Variants in SPMIP11 observed in about 807,000 individuals in gnomAD.
The protein encoded by SPMIP11 is long intergenic non-protein coding RNA 935.
At chr12:48,758,344 T>C in the SPMIP11 span, among the ~76,000 whole-genome samples, 1 of 152,180 alleles carries the variant, frequency 6.6e-6, no homozygotes, top group Non-Finnish European at 1.5e-5. Flanking sequence ...TGGTGGACAC[T>C]ACTGGCCCCA....
At chr12:48,762,731 G>A in the SPMIP11 span, among the ~76,000 whole-genome samples, 7 of 152,100 alleles carry the variant, frequency 4.6e-5, no homozygotes, top group Non-Finnish European at 8.8e-5. Flanking sequence ...TTTCCAAAGC[G>A]GGGCAGTGGG....
chr12:48,732,976 A>G, the SPMIP11 span, among the ~76,000 whole-genome samples: 4 of 150,766 alleles, frequency 2.7e-5, no homozygotes, highest in Non-Finnish European at 4.4e-5. Context: ...GTGAGCCGAG[A>G]CCGTGCCATT....
chr12:48,733,392 A>T, the SPMIP11 span, among the ~76,000 whole-genome samples: 1 of 152,086 alleles, frequency 6.6e-6, no homozygotes, highest in African/African-American at 2.4e-5. Context: ...TGAACTTTAA[A>T]TTTTACTTTG....
the SPMIP11 span, among the ~76,000 whole-genome samples, chr12:48,748,116 C>T: frequency 6.6e-6 from 1 of 152,160 alleles, no homozygotes; most frequent in African/African-American, 2.4e-5. Context: ...TTCCTTGCTC[C>T]TTATTTCACT....
chr12:48,769,356 C>T, the SPMIP11 span, among the ~76,000 whole-genome samples: 1 of 137,312 alleles, frequency 7.3e-6, no homozygotes. Context: ...TTTGAGGCTA[C>T]AGTGAGCTGT....
At chr12:48,743,339 G>A in the SPMIP11 span, among the ~76,000 whole-genome samples, 1 of 152,072 alleles carries the variant, frequency 6.6e-6, no homozygotes. Flanking sequence ...TGGCACCACT[G>A]CACTCCATCC....
chr12:48,768,603 G>A, the SPMIP11 span: 8 of 1,614,070 alleles, frequency 5.0e-6, no homozygotes, highest in Non-Finnish European at 6.8e-6. Context: ...AACTGCTGGG[G>A]CCCCCATTGA....
chr12:48,741,598 T>C, the SPMIP11 span, among the ~76,000 whole-genome samples: 1 of 152,146 alleles, frequency 6.6e-6, no homozygotes, highest in Non-Finnish European at 1.5e-5. Flanking sequence ...CCATTCTTCT[T>C]TTGTAACCAA....
At chr12:48,759,957 C>T in the SPMIP11 span, among the ~76,000 whole-genome samples, 1 of 152,178 alleles carries the variant, frequency 6.6e-6, no homozygotes, top group East Asian at 1.9e-4. Context: ...CAGGTGCCTG[C>T]CACCATACCT....
At chr12:48,757,612 C>T in the SPMIP11 span, among the ~76,000 whole-genome samples, 372 of 150,450 alleles carry the variant, frequency 2.5e-3, 1 homozygote, top group Non-Finnish European at 4.2e-3. Context: ...CACCACTGCA[C>T]TGCAGCCTGG....
the SPMIP11 span, among the ~76,000 whole-genome samples, chr12:48,740,508 T>G: frequency 6.6e-6 from 1 of 151,570 alleles, no homozygotes; most frequent in Admixed American, 6.6e-5. Flanking sequence ...TTTTTTTTTT[T>G]TTCAGACAGG....
At chr12:48,763,568 T>A in the SPMIP11 span, among the ~76,000 whole-genome samples, 2 of 152,176 alleles carry the variant, frequency 1.3e-5, no homozygotes, top group South Asian at 4.1e-4. Context: ...TTTAAAAAAA[T>A]TATTATAAAC....
the SPMIP11 span, among the ~76,000 whole-genome samples, chr12:48,756,148 G>T: frequency 6.6e-6 from 1 of 152,114 alleles, no homozygotes; most frequent in Admixed American, 6.5e-5. Flanking sequence ...CTCCCAAAGT[G>T]CTGGGATTAC....
At chr12:48,768,465 A>G in the SPMIP11 span, 7 of 1,369,322 alleles carry the variant, frequency 5.1e-6, no homozygotes, top group Non-Finnish European at 7.2e-6. Context: ...GCCTGCTGGG[A>G]TGTTCCCTTT....
the SPMIP11 span, among the ~76,000 whole-genome samples, chr12:48,733,782 T>A: frequency 1.4e-5 from 2 of 144,472 alleles, no homozygotes; most frequent in Non-Finnish European, 3.0e-5. Flanking sequence ...TTTTTTTTTT[T>A]TTTTTGAGAT....
At chr12:48,744,826 G>A in the SPMIP11 span, among the ~76,000 whole-genome samples, 1 of 142,534 alleles carries the variant, frequency 7.0e-6, no homozygotes, top group East Asian at 2.0e-4. Context: ...AGAAGAAGAA[G>A]AAAGAAGAAG....
At chr12:48,739,801 A>C in the SPMIP11 span, among the ~76,000 whole-genome samples, 1 of 152,176 alleles carries the variant, frequency 6.6e-6, no homozygotes, top group Non-Finnish European at 1.5e-5. Context: ...CTCCTCCAAC[A>C]CTGGAGATTA....
the SPMIP11 span, among the ~76,000 whole-genome samples, chr12:48,743,730 T>C: frequency 6.6e-6 from 1 of 151,306 alleles, no homozygotes; most frequent in South Asian, 2.1e-4. Flanking sequence ...TCGCCTGAGG[T>C]CAGGAGTTCA....
the SPMIP11 span, among the ~76,000 whole-genome samples, chr12:48,736,599 A>G: frequency 6.6e-6 from 1 of 152,042 alleles, no homozygotes; most frequent in Non-Finnish European, 1.5e-5. Flanking sequence ...ATCCTACTGT[A>G]GTCTAGACTG....
Sources: gnomAD v4.1 joint callset for allele counts (sites outside exome capture counted in the v4.1 genomes callset) on GRCh38, gnomAD v4.1.1 for gene constraint, MANE v1.5 for transcripts, NCBI Gene and HGNC (gene_info 2026-07-23, HGNC 2026-07-21) for gene names.